Variants in ZNF117 observed in about 807,000 individuals in gnomAD.
The protein encoded by ZNF117 is zinc finger protein 117, also known as Krueppel-related zinc finger protein.
Under a neutral mutation model 41.2 loss-of-function variants are expected in ZNF117, and 37 were observed. That is an observed-to-expected ratio of 0.90 (90% CI 0.69 to 1.18). ZNF117 has a LOEUF of 1.18. ZNF117 is among the 50% of genes most tolerant of loss of function. ZNF117 has a pLI of 0.00. For missense variants in ZNF117, 546 were observed against 557.5 expected, an observed-to-expected ratio of 0.98 and a Z score of 0.21; for synonymous variants, 186 against 186.6, an observed-to-expected ratio of 1.00 and a Z score of 0.02.
Position 64,979,240 on chromosome 7 carries a change from A to C in ZNF117, c.331T>G (p.Cys111Gly), listed in dbSNP as rs201329596. ...CAAAATGTTTTGCGACATTCTTTAC[A>C]TTTAAAATGTTTATTTTCAGTATGT... The change falls in exon 3 of 3, where the codon TGT becomes GGT. Residue 111 changes from cysteine (C) to glycine (G), a missense_variant. Physicochemically the swap from Cys to Gly is radical, Grantham distance 159. Transcript: ENST00000620222. 25 of 1,608,298 alleles carry C rather than the reference A, an allele frequency of 1.6e-5. No individual in the cohort carries two copies. The East Asian group carries it at 4.7e-4, about 30-fold the overall frequency.
At chr7:64,977,449 G>T in exon 3 of ZNF117, 1 of 461,662 alleles carries the variant, frequency 2.2e-6, no homozygotes, top group Non-Finnish European at 4.3e-6. Context: ...TTTGAGCATC[G>T]ACTGAAAGTT....
At chr7:64,972,027 G>C (rs190452489), downstream of ZNF117, 2 of 151,870 alleles carry the variant, frequency 1.3e-5, no homozygotes, top group African/African-American at 2.4e-5. Context: ...TGAGCAAAAG[G>C]CTTAAATATT....
chr7:64,979,402 C>T (rs1452365072), exon 3 of ZNF117: 1 of 1,610,874 alleles, frequency 6.2e-7, no homozygotes, highest in Non-Finnish European at 8.5e-7. Context: ...TTACACTCAA[C>T]CACACTTTTA....
At chr7:64,983,834 G>C (rs375993252), upstream of ZNF117, among the ~76,000 whole-genome samples, 11 of 152,258 alleles carry the variant, frequency 7.2e-5, no homozygotes, top group African/African-American at 2.6e-4. Context: ...GCATTCAAGA[G>C]AAAAACAGCT....
chr7:64,973,800 C>CT (rs978481650), downstream of ZNF117: 7 of 151,844 alleles, frequency 4.6e-5, no homozygotes, highest in Admixed American at 2.0e-4. Flanking sequence ...ACCAAAATTT[C>CT]TTTTTAAATT....
upstream of ZNF117, among the ~76,000 whole-genome samples, chr7:64,985,837 G>A (rs1295464351): frequency 6.7e-6 from 1 of 148,936 alleles, no homozygotes; most frequent in African/African-American, 2.5e-5. Flanking sequence ...GTGTGTGCCT[G>A]TAACCCCAGC....
chr7:64,982,410 T>G (rs73139811), upstream of ZNF117, among the ~76,000 whole-genome samples: 12,369 of 152,270 alleles, frequency 0.081, 655 homozygotes, highest in South Asian at 0.18. Flanking sequence ...TGTCTATTTT[T>G]AAATGCTATA....
chr7:64,973,679 A>C (rs1785819168), downstream of ZNF117: 1 of 151,992 alleles, frequency 6.6e-6, no homozygotes, highest in Non-Finnish European at 1.5e-5. Context: ...TGAAGACAAC[A>C]GTGAGCAAAG....
intron 1 of ZNF117, among the ~76,000 whole-genome samples, chr7:64,988,496 C>T (rs1201879649): frequency 6.6e-6 from 1 of 152,140 alleles, no homozygotes; most frequent in Non-Finnish European, 1.5e-5. Context: ...AACAAACATA[C>T]TGAGTGGACA....
At chr7:64,972,097 G>A (rs1375398312), downstream of ZNF117, 3 of 151,804 alleles carry the variant, frequency 2.0e-5, no homozygotes, top group African/African-American at 7.3e-5. Context: ...ACTATAATCA[G>A]GAAAGCAAAA....
chr7:64,991,025 G>A (rs1786250681), exon 1 of ZNF117: 1 of 491,696 alleles, frequency 2.0e-6, no homozygotes, highest in Non-Finnish European at 3.6e-6. Context: ...TACTTAGTTA[G>A]GGCCATTAGT....
chr7:64,981,323 C>T (rs1584049941), intron 2 of ZNF117, 64 bp downstream of exon 3: 1 of 1,587,066 alleles, frequency 6.3e-7, no homozygotes, highest in East Asian at 2.2e-5. Flanking sequence ...ACATTTTAAG[C>T]TGTGGCCTTC....
intron 2 of ZNF117, chr7:64,980,441 C>A (rs909657350): frequency 2.7e-5 from 4 of 149,706 alleles, no homozygotes; most frequent in Non-Finnish European, 6.0e-5. Flanking sequence ...GAAACACAGA[C>A]AACTATTAAA....
Position 64,978,398 on chromosome 7 carries a change from A to C in ZNF117, c.1173T>G (p.Cys391Trp), listed in dbSNP as rs375916335. 1.1e-5 allele frequency: 18 copies of C among 1,613,610 alleles called. No homozygotes were observed. The African/African-American group carries it at 2.4e-4, about 22-fold the overall frequency. The change falls in exon 3 of 3, where the codon TGT becomes TGG. Residue 391 changes from cysteine (C) to tryptophan (W), a missense_variant. By Grantham distance (215) the Cys-to-Trp change is radical (BLOSUM62 -2). Transcript: ENST00000620222. ...GGTGGAAAACTTTGCCAGATTCTCT[A>C]CATTTGTGGGGATTCTCTCCAGTAT...
At chr7:64,981,265 C>A in intron 2 of ZNF117, 122 bp downstream of exon 3, 1 of 1,280,300 alleles carries the variant, frequency 7.8e-7, no homozygotes, top group Non-Finnish European at 1.1e-6. Flanking sequence ...TAAAAAAAAA[C>A]TCGGGCTTTC....
chr7:64,985,967 A>AG (rs1554299670), upstream of ZNF117, among the ~76,000 whole-genome samples: 36 of 149,014 alleles, frequency 2.4e-4, no homozygotes, highest in East Asian at 7.7e-4. Context: ...AAAAAAAAAA[A>AG]AAAGAAAGAA....
intron 1 of ZNF117, among the ~76,000 whole-genome samples, chr7:64,987,869 G>A (rs1038555193): frequency 2.5e-4 from 37 of 149,988 alleles, no homozygotes; most frequent in African/African-American, 9.1e-4. Context: ...AAATAGTAAA[G>A]TCGTGGACAA....
intron 1 of ZNF117, among the ~76,000 whole-genome samples, chr7:64,987,828 G>GAAAAAAAAAAAA (rs71061345): frequency 2.2e-5 from 3 of 136,840 alleles, no homozygotes; most frequent in Non-Finnish European, 3.1e-5. Flanking sequence ...CCACAAAAAG[G>GAAAAAAAAAAAA]AAAAAAAAAA....
intron 1 of ZNF117, 54 bp downstream of exon 2, chr7:64,981,930 A>G (rs1786042153): frequency 4.3e-6 from 2 of 465,376 alleles, no homozygotes; most frequent in South Asian, 7.8e-5. Context: ...AACATTCTAC[A>G]AAAAAGAGAA....
Sources: allele counts gnomAD v4.1 joint callset (sites outside exome capture counted in the v4.1 genomes callset), GRCh38; gene constraint gnomAD v4.1.1; transcripts MANE v1.5; gene names NCBI Gene and HGNC (gene_info 2026-07-23, HGNC 2026-07-21).